Variants in CMTM8 observed in about 807,000 individuals in gnomAD.
CMTM8 encodes the protein CKLF-like MARVEL transmembrane domain-containing protein 8.
CMTM8 carries 12 observed loss-of-function variants against 18.6 expected under a neutral mutation model. The observed-to-expected ratio is 0.65, with a 90% CI of 0.41 to 1.05. The LOEUF is 1.05. Ranked by LOEUF, CMTM8 falls within the 50% of genes least tolerant of loss-of-function variation. CMTM8 has a pLI of 0.00. For missense variants in CMTM8, 217 were observed against 227.2 expected (o/e 0.95, Z 0.29); for synonymous variants, 87 against 90.6 (o/e 0.96, Z 0.23).
intron 1 of CMTM8, among the ~76,000 whole-genome samples, chr3:32,330,234 A>T (rs1339114722): frequency 6.7e-6 from 1 of 149,408 alleles, no homozygotes. Flanking sequence ...ATAGAAAAAA[A>T]ATCCTAAAAT....
chr3:32,262,461 A>T (rs1702271690), intron 1 of CMTM8, among the ~76,000 whole-genome samples: 1 of 152,222 alleles, frequency 6.6e-6, no homozygotes, highest in African/African-American at 2.4e-5. Flanking sequence ...GTGGATCCAC[A>T]TGGAGTATTT....
intron 1 of CMTM8, among the ~76,000 whole-genome samples, chr3:32,339,913 A>C (rs957261198): frequency 6.6e-6 from 1 of 152,206 alleles, no homozygotes; most frequent in African/African-American, 2.4e-5. Context: ...CAGTCAGCCA[A>C]GATCGCACCA....
rs1696858407 is a variant in CMTM8 at position 32,358,386 on chromosome 3, T to C, written c.321+840T>C. On this transcript the variant is annotated intron_variant, in intron 2 of 3. Coordinates refer to ENST00000307526, the MANE Select transcript of CMTM8 (RefSeq NM_178868.5). This position sits in a 1 kb window ranked among gnomAD's most constrained non-coding sequence, Gnocchi z 4.1. ...GCAAATTCAAAGTAGCTAAATGATT[T>C]ACAAAAAAAATCCCAGTGGTACCAC... 6.6e-6 allele frequency among the ~76,000 whole-genome samples: 1 copy of C among 152,166 alleles called. No individual in the cohort carries two copies. The highest frequency in any genetic ancestry group is 6.5e-5 in the Admixed American group (1 of 15,274).
chr3:32,313,424 T>C (rs191596297), intron 1 of CMTM8, among the ~76,000 whole-genome samples: 10 of 152,242 alleles, frequency 6.6e-5, no homozygotes, highest in Admixed American at 6.5e-4. Flanking sequence ...CACCTCAGCC[T>C]CCTGTGTAGC....
chr3:32,332,077 G>GA (rs142443645), intron 1 of CMTM8, among the ~76,000 whole-genome samples: 2,918 of 151,338 alleles, frequency 0.019, 75 homozygotes, highest in East Asian at 0.12. Flanking sequence ...GAATAAAAAG[G>GA]AAAAAAAAGC....
intron 1 of CMTM8, among the ~76,000 whole-genome samples, chr3:32,287,795 T>TG (rs1332342070): frequency 2.0e-5 from 3 of 152,176 alleles, no homozygotes; most frequent in African/African-American, 7.2e-5. Context: ...GAAGAGATAT[T>TG]GATTCAGGCT....
chr3:32,262,832 G>A (rs916623398), intron 1 of CMTM8, among the ~76,000 whole-genome samples: 13 of 152,200 alleles, frequency 8.5e-5, no homozygotes, highest in African/African-American at 3.1e-4. Context: ...GGACTGGGCT[G>A]TATTTGGAAT....
At chr3:32,363,549 A>G (rs979448387) in intron 2 of CMTM8, among the ~76,000 whole-genome samples, 1 of 152,200 alleles carries the variant, frequency 6.6e-6, no homozygotes, top group African/African-American at 2.4e-5. Flanking sequence ...TTACCATATA[A>G]TAAGAGAGAA....
intron 1 of CMTM8, among the ~76,000 whole-genome samples, chr3:32,269,908 G>T (rs1702411450): frequency 6.6e-6 from 1 of 151,726 alleles, no homozygotes; most frequent in South Asian, 2.1e-4. Flanking sequence ...CTCCTGAGTA[G>T]CTAGGACTAC....
intron 1 of CMTM8, among the ~76,000 whole-genome samples, chr3:32,330,004 C>T (rs1001998966): frequency 2.6e-5 from 4 of 151,722 alleles, no homozygotes; most frequent in African/African-American, 9.7e-5. Context: ...ACAATAGAAT[C>T]AAAAAGAATA....
At position 32,328,240 on chromosome 3, in the gene CMTM8, G is replaced by T. The variant is rs545910144; in HGVS notation, c.148-29133G>T. On this transcript the variant is annotated intron_variant, in intron 1 of 3. Coordinates refer to ENST00000307526, the MANE Select transcript of CMTM8 (RefSeq NM_178868.5). ...AAAATACAAAAAATTAGCCAGGTAT[G>T]GTGGCACACACCTGTAATCCCAGCT... is the stretch of plus-strand genomic sequence containing the variant. 1.4e-4 allele frequency among the ~76,000 whole-genome samples: 22 copies of T among 151,892 alleles called. No individual in the cohort carries two copies. In the East Asian group the frequency reaches 3.5e-3, roughly 24 times the overall value.
chr3:32,309,297 C>T (rs1035010173), intron 1 of CMTM8, among the ~76,000 whole-genome samples: 3 of 140,300 alleles, frequency 2.1e-5, no homozygotes, highest in Non-Finnish European at 4.6e-5. Flanking sequence ...AACCAATTTA[C>T]CAATTTTTTT....
chr3:32,306,072 A>G (rs1695709440), intron 1 of CMTM8, among the ~76,000 whole-genome samples: 1 of 152,150 alleles, frequency 6.6e-6, no homozygotes, highest in Non-Finnish European at 1.5e-5. Flanking sequence ...ACTTAAAACA[A>G]TGGTCACTCC....
intron 1 of CMTM8, among the ~76,000 whole-genome samples, chr3:32,302,689 G>A (rs966983410): frequency 6.6e-6 from 1 of 152,150 alleles, no homozygotes; most frequent in African/African-American, 2.4e-5. Context: ...ATTTCACAAG[G>A]CATGGGTTTT....
chr3:32,325,240 C>T (rs1426308458), intron 1 of CMTM8, among the ~76,000 whole-genome samples: 1 of 152,176 alleles, frequency 6.6e-6, no homozygotes, highest in Non-Finnish European at 1.5e-5. Context: ...TATGACCATC[C>T]CCGGTGGGTC....
At chr3:32,243,549 A>G (rs1433428413) in intron 1 of CMTM8, among the ~76,000 whole-genome samples, 1 of 150,430 alleles carries the variant, frequency 6.6e-6, no homozygotes, top group African/African-American at 2.4e-5. Flanking sequence ...AAAAAAAAAA[A>G]ATCACATTCT....
chr3:32,243,690 G>A (rs1559359728), intron 1 of CMTM8, among the ~76,000 whole-genome samples: 1 of 152,168 alleles, frequency 6.6e-6, no homozygotes, highest in African/African-American at 2.4e-5. Context: ...CACTGTGGTT[G>A]AATGCATTTG....
At chr3:32,252,359 G>A (rs1040375902) in intron 1 of CMTM8, among the ~76,000 whole-genome samples, 6 of 151,908 alleles carry the variant, frequency 3.9e-5, no homozygotes, top group Admixed American at 1.3e-4. Context: ...CTTTGCTATC[G>A]CTGTATACTT....
At chr3:32,302,049 T>C (rs1378735461) in intron 1 of CMTM8, among the ~76,000 whole-genome samples, 1 of 151,220 alleles carries the variant, frequency 6.6e-6, no homozygotes, top group African/African-American at 2.4e-5. Flanking sequence ...AAGAATAGCA[T>C]AGGCCAGACA....
Sources: gnomAD v4.1 joint callset for allele counts (sites outside exome capture counted in the v4.1 genomes callset) on GRCh38, gnomAD v4.1.1 for gene constraint, Gnocchi (gnomAD v3.1) non-coding constraint, MANE v1.5 for transcripts, NCBI Gene and HGNC (gene_info 2026-07-23, HGNC 2026-07-21) for gene names.